Variants in MUC6 observed in about 807,000 individuals in gnomAD.
MUC6 encodes mucin-6.
Under a neutral mutation model 201.5 loss-of-function variants are expected in MUC6, and 188 were observed. The observed-to-expected ratio is 0.93, with a 90% CI of 0.83 to 1.05. The LOEUF is 1.05. Ranked by LOEUF, MUC6 falls within the 50% of genes least tolerant of loss-of-function variation. MUC6 has a pLI of 0.00. For missense variants in MUC6, 2,706 were observed against 3,256.9 expected, an observed-to-expected ratio of 0.83 and a Z score of 4.12; for synonymous variants, 1,228 against 1,389.4, an observed-to-expected ratio of 0.88 and a Z score of 2.58.
chr11:1,031,424 C>T (rs576646379), intron 4 of MUC6, among the ~76,000 whole-genome samples, 165 bp from the exon 5 acceptor site: 1 of 152,172 alleles, frequency 6.6e-6, no homozygotes, highest in African/African-American at 2.4e-5. Flanking sequence ...AGCCGAGTCA[C>T]CCACAAAACC....
rs780647699 is a variant in MUC6 at position 1,018,776 on chromosome 11, G to C, written c.4031-6C>G. 2 of 1,553,452 alleles carry C rather than the reference G, an allele frequency of 1.3e-6. No homozygotes were observed. Among genetic ancestry groups the C allele is most frequent in the Non-Finnish European group, 1.7e-6 (2 of 1,154,454 alleles). On this transcript the variant is annotated splice_region_variant and splice_polypyrimidine_tract_variant and intron_variant, in intron 30 of 32. Coordinates refer to ENST00000421673, the MANE Select transcript of MUC6 (RefSeq NM_005961.3). ...TTCCTGATTGGTCGATTTTGCTGTGGGAATTGGTGAAGTTGTCATCGTTAT... is the reference window on the plus strand; with the variant it reads ...TTCCTGATTGGTCGATTTTGCTGTGCGAATTGGTGAAGTTGTCATCGTTAT...
intron 25 of MUC6, 33 bp from the exon 26 acceptor site, chr11:1,023,685 T>TCCTGGCCCTGGC (rs199744653): frequency 1.9e-6 from 3 of 1,608,956 alleles, no homozygotes; most frequent in Admixed American, 1.7e-5. Context: ...CTGGTGGGGT[T>TCCTGGCCCTGGC]CCTGGCCCTG....
At position 1,013,393 on chromosome 11, in the gene MUC6, G is replaced by A; in HGVS notation, c.*63C>T. The A allele has an allele frequency of 2.0e-6, 3 of 1,464,734 alleles. No individual in the cohort carries two copies. The highest frequency in any genetic ancestry group is 2.8e-6 in the Non-Finnish European group (3 of 1,087,186). 90.7% of individuals were successfully genotyped at this position (1,464,734 alleles called of 1,614,324 possible). Reference sequence around the variant, plus strand: ...GCTGGCACAAGCGGGAAGGGGGCTGGTGGGTGTTTTCCTGTCTGTCATCTG... The same window carrying A: ...GCTGGCACAAGCGGGAAGGGGGCTGATGGGTGTTTTCCTGTCTGTCATCTG... On this transcript the variant is annotated 3_prime_UTR_variant, in exon 33 of 33. Coordinates refer to ENST00000421673, the MANE Select transcript of MUC6 (RefSeq NM_005961.3).
intron 29 of MUC6, chr11:1,019,873 A>G: frequency 1.4e-6 from 1 of 714,634 alleles, no homozygotes; most frequent in Non-Finnish European, 2.4e-6. Flanking sequence ...GACAGCAGCC[A>G]GCAGCAAGGA....
intron 24 of MUC6, 122 bp downstream of exon 24, chr11:1,024,722 C>G: frequency 6.9e-7 from 1 of 1,441,554 alleles, no homozygotes; most frequent in Non-Finnish European, 9.2e-7. Context: ...TCTCTGCACC[C>G]TGACCTGGCT....
In MUC6 at chr11:1,023,972, C is replaced by G. The variant is rs1223866778; in HGVS notation, c.3357G>C (p.Val1119=). 6.2e-7 allele frequency: 1 copy of G among 1,612,742 alleles called. No individual in the cohort carries two copies. Among genetic ancestry groups the G allele is most frequent in the South Asian group, 1.1e-5 (1 of 91,030 alleles). Residue 1119 remains valine (V), a synonymous_variant, in exon 25 of 33, where the codon GTG becomes GTC. Transcript: ENST00000421673. ...AQACLDKGVC[V]DWRTPAFCPI... is the part of the protein sequence containing the mutation. ...GGCAGAAGGCCGGGGTCCTCCAGTC[C>G]ACGCACACACCCTTGTCCAGACAGG...
Position 1,014,076 on chromosome 11 carries a change from ACCGGGGT to A in MUC6, c.7040-82_7040-76del, listed in dbSNP as rs992961370. On this transcript the variant is annotated intron_variant, in intron 31 of 32. Transcript: ENST00000421673. ...GGAGGGAGGGAAACCCTGGCTAGAG[ACCGGGGT>A]CCCCACCTGTCTCTGGACTCTCCTG... is the stretch of plus-strand genomic sequence containing the variant. 9 of 1,315,656 alleles carry A rather than the reference ACCGGGGT, an allele frequency of 6.8e-6. No individual in the cohort carries two copies. The African/African-American group carries it at 1.3e-4, about 19-fold the overall frequency. 81.5% of individuals were successfully genotyped at this position (1,315,656 alleles called of 1,614,324 possible). A position where few individuals can be genotyped will look rare whatever the true frequency, so the allele number is the denominator to read the frequency against.
chr11:1,020,328 C>A, intron 28 of MUC6, 71 bp from the exon 29 acceptor site: 1 of 1,521,958 alleles, frequency 6.6e-7, no homozygotes. Flanking sequence ...TCCCCTCTGC[C>A]TGCTTGGCCC....
chr11:1,025,333 G>A lies in MUC6; in HGVS notation c.2834C>T (p.Thr945Met), dbSNP rs758322650. ...LSVVLADRNYTVTGEEPHVQL... is the reference protein window; with the variant it reads ...LSVVLADRNYMVTGEEPHVQL... ...CACGTGGGGCTCCTCCCCGGTGACC[G>A]TGTAGTTTCTGTCCGCCAGCACCAC... is the stretch of plus-strand genomic sequence containing the variant. The change falls in exon 23 of 33, where the codon ACG becomes ATG. Residue 945 changes from threonine (T) to methionine (M), a missense_variant. Physicochemically the swap from Thr to Met is moderately conservative, Grantham distance 81. This residue lies in a region of MUC6 where 1,850 missense variants were observed against 1,958.3 expected (regional missense o/e 0.94). Transcript: ENST00000421673. The A allele has an allele frequency of 1.9e-5, 31 of 1,611,194 alleles. No homozygotes were observed. The highest frequency in any genetic ancestry group is 9.9e-5 in the South Asian group (9 of 91,080).
chr11:1,030,261 G>C lies in MUC6; in HGVS notation c.967C>G (p.Gln323Glu). ...SACVKTCSNP[Q>E]HSCSSSCTFG... ...GTGCAGGAGCTGGAGCAGCTGTGCT[G>C]CGGGTTGGAGCAGGTCTTCACGCAG... is the stretch of plus-strand genomic sequence containing the variant. Residue 323 changes from glutamine to glutamate, a missense_variant, in exon 8 of 33, where the codon CAG becomes GAG. Physicochemically the swap from Gln to Glu is conservative, Grantham distance 29. Coordinates refer to ENST00000421673, the MANE Select transcript of MUC6 (RefSeq NM_005961.3). 1 of 1,550,312 alleles carries C rather than the reference G, an allele frequency of 6.5e-7. No individual in the cohort carries two copies. Among genetic ancestry groups the C allele is most frequent in the Non-Finnish European group, 8.7e-7 (1 of 1,147,176 alleles).
Position 1,031,070 on chromosome 11 carries a change from TG to T in MUC6, c.575-15del, listed in dbSNP as rs745880412. 2.3e-5 allele frequency: 35 copies of T among 1,554,484 alleles called. No homozygotes were observed. The highest frequency in any genetic ancestry group is 9.5e-5 in the South Asian group (8 of 84,146). Reference sequence around the variant, plus strand: ...CCAGGAACTTGCCTGGGGTGCAGAATGGGGGTCAGCACCGTGGGGGCTGGGC... The same window carrying T: ...CCAGGAACTTGCCTGGGGTGCAGAATGGGGTCAGCACCGTGGGGGCTGGGC... On this transcript the variant is annotated splice_polypyrimidine_tract_variant and intron_variant, in intron 5 of 32. Transcript: ENST00000421673.
Position 1,031,170 on chromosome 11 carries a change from C to T in MUC6, c.573G>A (p.Glu191=), listed in dbSNP as rs936790957. The T allele has an allele frequency of 3.2e-6, 5 of 1,558,264 alleles. No homozygotes were observed. The South Asian group carries it at 5.9e-5, about 19-fold the overall frequency. ...CCCCCCAGCCCTGCCCCCACCTACC[C>T]TCCTCACTGACAAACTCGTTGGTCA... ...GKVTNEFVSE[E]GKFLEPHKFA... is the part of the protein sequence containing the mutation. The change falls in exon 5 of 33, where the codon GAG becomes GAA. Residue 191 remains glutamate (E), a splice_region_variant and synonymous_variant. Transcript: ENST00000421673.
rs776825379 is a variant in MUC6 at position 1,013,993 on chromosome 11, TG to T, written c.7047del (p.Cys2349Ter). ...ATCTCCTCCTGCTGCTCCCGCACAC[TG>T]CAGACCCCTGGTAGCCGAGTGGACG... ...GTPTPTSPGV[C>X]SVREQQEEIT... On this transcript the variant is annotated frameshift_variant, in exon 32 of 33. Transcript: ENST00000421673. LOFTEE classifies it high-confidence loss of function. The T allele has an allele frequency of 9.3e-6, 15 of 1,607,062 alleles. No homozygotes were observed. The highest frequency in any genetic ancestry group is 1.3e-5 in the Non-Finnish European group (15 of 1,177,426).
intron 29 of MUC6, 149 bp from the exon 30 acceptor site, chr11:1,019,645 A>G: frequency 1.4e-6 from 1 of 737,660 alleles, no homozygotes; most frequent in Non-Finnish European, 2.3e-6. Context: ...TGCCTTTGTT[A>G]GGTCCTCCCA....
chr11:1,031,884 C>T lies in MUC6; in HGVS notation c.285G>A (p.Ser95=), dbSNP rs754009753. ...QLRRGPDGSI[S]RIIVELGASV... is the part of the protein sequence containing the mutation. ...AGGCCCCCAGCTCCACGATGATCCG[C>T]GAGATGCTCCCGTCTGGGCCTCGCC... The change falls in exon 3 of 33, where the codon TCG becomes TCA. Residue 95 remains serine (S), a synonymous_variant. Transcript: ENST00000421673. The T allele has an allele frequency of 2.7e-5, 44 of 1,612,874 alleles. No homozygotes were observed. The highest frequency in any genetic ancestry group is 1.8e-4 in the Admixed American group (11 of 59,996).
rs751210867 is a variant in MUC6, at chr11:1,013,416, C to T, written c.*40G>A. The stretch of plus-strand genomic sequence containing the variant: ...TGGTGGGTGTTTTCCTGTCTGTCAT[C>T]TGCAGTCCTTCAGCCCCAGGAGAGC... On this transcript the variant is annotated 3_prime_UTR_variant, in exon 33 of 33. Coordinates refer to ENST00000421673, the MANE Select transcript of MUC6 (RefSeq NM_005961.3). 2.0e-6 allele frequency: 3 copies of T among 1,526,280 alleles called. No individual in the cohort carries two copies. The highest frequency in any genetic ancestry group is 2.8e-5 in the African/African-American group (2 of 72,248). 94.5% of individuals were successfully genotyped at this position (1,526,280 alleles called of 1,614,324 possible).
chr11:1,026,802 G>A (rs1035303664), intron 19 of MUC6, 139 bp downstream of exon 19: 1 of 958,656 alleles, frequency 1.0e-6, no homozygotes, highest in African/African-American at 1.7e-5. Context: ...CTGGCCACAG[G>A]GCCGCTTCCA....
chr11:1,020,677 CAAT>C lies in MUC6; in HGVS notation c.3640+4_3640+6del. On this transcript the variant is annotated splice_donor_5th_base_variant and intron_variant, in intron 28 of 32. Coordinates refer to ENST00000421673, the MANE Select transcript of MUC6 (RefSeq NM_005961.3). ...GTCACCTTGGCACCTAGTGTGCGTG[CAAT>C]TACCTGTGGTGGGCAGCTGCGGCGT... The C allele has an allele frequency of 2.5e-6, 4 of 1,613,600 alleles. No individual in the cohort carries two copies. The highest frequency in any genetic ancestry group is 3.4e-6 in the Non-Finnish European group (4 of 1,179,764).
rs780465937 is a variant in MUC6, at chr11:1,016,325, A to C, written c.6476T>G (p.Val2159Gly). ...GGACACGAAAGAGGAAGATGTGCCA[A>C]CAGAAGGCGATGAAGTCTGGGGAGA... Reference protein sequence around the residue: ...HSSPQTSSPSVGTSSSFVSAP... With the variant: ...HSSPQTSSPSGGTSSSFVSAP... Residue 2159 changes from valine (V) to glycine (G), a missense_variant, in exon 31 of 33, where the codon GTT (valine) becomes GGT (glycine). Val to Gly is a moderately radical substitution (Grantham distance 109, BLOSUM62 -3). Around this residue, in one of 10 missense-constraint regions of MUC6, gnomAD observed 586 missense variants for 488.0 expected, o/e 1.20. Transcript: ENST00000421673. 4.3e-6 allele frequency: 7 copies of C among 1,611,438 alleles called. No individual in the cohort carries two copies. The highest frequency in any genetic ancestry group is 5.9e-6 in the Non-Finnish European group (7 of 1,178,850).
Sources: allele counts gnomAD v4.1 joint callset (sites outside exome capture counted in the v4.1 genomes callset), GRCh38; gene constraint gnomAD v4.1.1; regional missense constraint gnomAD v4.1.1; transcripts MANE v1.5; gene names NCBI Gene and HGNC (gene_info 2026-07-23, HGNC 2026-07-21).